The following ST6GAL2 variants were observed in gnomAD, a reference collection of about 807,000 sequenced individuals.
ST6GAL2 encodes beta-galactoside alpha-2,6-sialyltransferase 2.
ST6GAL2 carries 24 observed loss-of-function variants against 37.5 expected under a neutral mutation model. That is an observed-to-expected ratio of 0.64 (90% CI 0.46 to 0.90). ST6GAL2 has a LOEUF of 0.90. Among genes scored for constraint, ST6GAL2 ranks in the 40% least tolerant of loss-of-function variants. The probability of loss-of-function intolerance (pLI) is 0.00; values close to 1 mark genes in which losing one functional copy is unlikely to be tolerated. For missense variants in ST6GAL2, 715 were observed against 712.7 expected (o/e 1.00, Z -0.04); for synonymous variants, 306 against 295.1 (o/e 1.04, Z -0.38).
At chr2:106,834,193 A>G (rs749518711) in intron 2 of ST6GAL2, 47 bp from the exon 3 acceptor site, 1 of 1,389,328 alleles carries the variant, frequency 7.2e-7, no homozygotes, top group Non-Finnish European at 1.0e-6. Flanking sequence ...CTGTAGAATC[A>G]CATAATCTAG....
intron 1 of ST6GAL2, among the ~76,000 whole-genome samples, chr2:106,875,599 G>A (rs2104634278): frequency 6.6e-6 from 1 of 152,294 alleles, no homozygotes; most frequent in Middle Eastern, 3.4e-3. Context: ...GGAAAGGCCT[G>A]GATTGGGTTT....
At position 106,843,199 on chromosome 2, in the gene ST6GAL2, C is replaced by T. The variant is rs1237864919; in HGVS notation, c.779G>A (p.Arg260His). 3.9e-6 allele frequency: 6 copies of T among 1,549,608 alleles called. No individual in the cohort carries two copies. Among genetic ancestry groups the T allele is most frequent in the African/African-American group, 2.7e-5 (2 of 73,320 alleles). ...CTCGGTGCCGTCCAGCGTCCGCACGCGCGCGCGGCTCCGCAGCTGGCACAG... is the reference window on the plus strand; with the variant it reads ...CTCGGTGCCGTCCAGCGTCCGCACGTGCGCGCGGCTCCGCAGCTGGCACAG... ...QLLCQLRSRARVRTLDGTEAP... is the reference protein window; with the variant it reads ...QLLCQLRSRAHVRTLDGTEAP... The change falls in exon 2 of 6, where the codon CGC (arginine) becomes CAC (histidine). Residue 260 changes from arginine (R) to histidine (H), a missense_variant. This residue lies in a region of ST6GAL2 where 512 missense variants were observed against 488.8 expected (regional missense o/e 1.05). Transcript: ENST00000409382.
chr2:106,860,538 G>T (rs898951659), intron 1 of ST6GAL2, among the ~76,000 whole-genome samples: 3 of 152,078 alleles, frequency 2.0e-5, no homozygotes, highest in Admixed American at 2.0e-4. Context: ...AGCTGCAAAG[G>T]GCAGGGCAGC....
At chr2:106,875,146 T>G (rs1407391221) in intron 1 of ST6GAL2, among the ~76,000 whole-genome samples, 1 of 152,068 alleles carries the variant, frequency 6.6e-6, no homozygotes, top group Admixed American at 6.6e-5. Flanking sequence ...CTACTAAATT[T>G]TAAGATATCA....
chr2:106,820,265 G>C (rs1456453364), intron 5 of ST6GAL2, among the ~76,000 whole-genome samples: 1 of 151,910 alleles, frequency 6.6e-6, no homozygotes, highest in African/African-American at 2.4e-5. Context: ...TGAAAATAAG[G>C]AGATAGAAAA....
intron 1 of ST6GAL2, among the ~76,000 whole-genome samples, chr2:106,865,092 G>A (rs1181014947): frequency 1.3e-5 from 2 of 152,110 alleles, no homozygotes; most frequent in African/African-American, 4.8e-5. Context: ...CCACCACACA[G>A]ATACAATAAA....
chr2:106,812,980 G>A, intron 5 of ST6GAL2: 11 of 1,130,894 alleles, frequency 9.7e-6, no homozygotes, highest in Middle Eastern at 6.6e-4. Flanking sequence ...CTTTCAACAT[G>A]AGGCTGGACT....
chr2:106,843,037 AT>A lies in ST6GAL2; in HGVS notation c.940del (p.Ile314Ter). 1 of 1,418,126 alleles carries A rather than the reference AT, an allele frequency of 7.1e-7. No individual in the cohort carries two copies. The highest frequency in any genetic ancestry group is 1.7e-5 in the South Asian group (1 of 57,978). The allele number at this position is 1,418,126 out of a possible 1,614,324, so 87.8% of individuals were successfully genotyped here. On this transcript the variant is annotated frameshift_variant, in exon 2 of 6. Transcript: ENST00000409382. LOFTEE classifies it high-confidence loss of function. ...AILNSSLGEE[I>X]DSHDAVLRFN... ...CTGGTCCCCCCGCTGAGACCTACCT[AT>A]TTCCTCGCCCAAGGAAGAGTTGAGG...
At chr2:106,828,090 C>T (rs1035493418) in intron 5 of ST6GAL2, among the ~76,000 whole-genome samples, 12 of 152,168 alleles carry the variant, frequency 7.9e-5, no homozygotes, top group Admixed American at 3.3e-4. Flanking sequence ...CTATATATGG[C>T]ATGATTTCTT....
intron 3 of ST6GAL2, among the ~76,000 whole-genome samples, chr2:106,833,840 C>A (rs138978991): frequency 6.0e-4 from 91 of 151,830 alleles, no homozygotes; most frequent in African/African-American, 2.1e-3. Flanking sequence ...TATTCATTTC[C>A]TCCTATTCAT....
At chr2:106,810,106 T>C (rs1392903085) in intron 5 of ST6GAL2, among the ~76,000 whole-genome samples, 1 of 152,204 alleles carries the variant, frequency 6.6e-6, no homozygotes. Context: ...GCTATCCTCT[T>C]AGACTCAAAG....
intron 1 of ST6GAL2, among the ~76,000 whole-genome samples, chr2:106,844,721 A>C (rs1282659374): frequency 6.6e-6 from 1 of 152,186 alleles, no homozygotes; most frequent in Non-Finnish European, 1.5e-5. Context: ...CTTACCGTGA[A>C]CTTTTGGTGA....
intron 5 of ST6GAL2, among the ~76,000 whole-genome samples, chr2:106,827,616 C>A (rs1052304718): frequency 6.6e-6 from 1 of 152,152 alleles, no homozygotes; most frequent in Admixed American, 6.5e-5. Context: ...GTTTTTCTTT[C>A]TTTTGTGACT....
intron 1 of ST6GAL2, among the ~76,000 whole-genome samples, chr2:106,857,533 G>A (rs986070002): frequency 2.0e-5 from 3 of 152,122 alleles, no homozygotes; most frequent in Admixed American, 2.0e-4. Flanking sequence ...AAATCCAGGA[G>A]GCTGAGGTTG....
At chr2:106,858,582 C>T (rs1677674435) in intron 1 of ST6GAL2, among the ~76,000 whole-genome samples, 1 of 152,108 alleles carries the variant, frequency 6.6e-6, no homozygotes, top group Non-Finnish European at 1.5e-5. Context: ...TTCCTTTTGG[C>T]CAAGGGAAGA....
chr2:106,807,692 G>A (rs1371035566), intron 5 of ST6GAL2, among the ~76,000 whole-genome samples: 3 of 147,470 alleles, frequency 2.0e-5, no homozygotes, highest in Non-Finnish European at 4.5e-5. Context: ...GCAGTGGCGC[G>A]ATCTCACTGC....
intron 5 of ST6GAL2, among the ~76,000 whole-genome samples, chr2:106,814,870 T>C (rs1675743245): frequency 6.6e-6 from 1 of 152,174 alleles, no homozygotes. Flanking sequence ...CAAGATAAAA[T>C]CTCTAGTATC....
chr2:106,832,865 A>T (rs7565174), intron 3 of ST6GAL2, among the ~76,000 whole-genome samples, 199 bp from the exon 4 acceptor site: 122,408 of 151,000 alleles, frequency 0.81, 50,291 homozygotes, highest in East Asian at 0.91. Flanking sequence ...ACTTTTTTTT[A>T]AAAAAAAGCA....
intron 1 of ST6GAL2, among the ~76,000 whole-genome samples, chr2:106,883,345 A>G (rs1678829090): frequency 6.6e-6 from 1 of 152,224 alleles, no homozygotes; most frequent in Admixed American, 6.5e-5. Context: ...AAAAGTTGGA[A>G]GGAGAGCTTT....
Sources: gnomAD v4.1 joint callset for allele counts (sites outside exome capture counted in the v4.1 genomes callset) on GRCh38, gnomAD v4.1.1 for gene constraint, gnomAD v4.1.1 regional missense constraint, MANE v1.5 for transcripts, NCBI Gene and HGNC (gene_info 2026-07-23, HGNC 2026-07-21) for gene names.